The following LTBP1 variants were observed in gnomAD, a reference collection of about 807,000 sequenced individuals.
LTBP1 encodes latent-transforming growth factor beta-binding protein 1.
A neutral mutation model predicts 207.6 loss-of-function variants in LTBP1; 129 were observed. That is an observed-to-expected ratio of 0.62 (90% CI 0.54 to 0.72). The LOEUF is 0.72. LTBP1 is among the 30% of genes least tolerant of loss of function. The pLI, the probability that LTBP1 is intolerant of heterozygous loss-of-function variation, is 0.00. For synonymous variants in LTBP1, 963 were observed against 833.7 expected (o/e 1.16, Z -2.67); for missense variants, 2,281 against 2,217.2 (o/e 1.03, Z -0.58).
In LTBP1 at chr2:33,085,934, A is replaced by G. The variant is rs552728934; in HGVS notation, c.864-24648A>G. Among the ~76,000 whole-genome samples the G allele has an allele frequency of 1.9e-4, 29 of 152,346 alleles. No homozygotes were observed. In the South Asian group the frequency reaches 6.0e-3, roughly 32 times the overall value. On this transcript the variant is annotated intron_variant, in intron 3 of 33. Transcript: ENST00000404816. ...GTCTGGCAGGCAGCATGTGGAATCA[A>G]TCCATGGTGCATTGGGAGTCTGGTG...
In LTBP1 at chr2:33,134,754, T is replaced by C; in HGVS notation, c.1034-39T>C. 6.2e-7 allele frequency: 1 copy of C among 1,614,062 alleles called. No individual in the cohort carries two copies. The highest frequency in any genetic ancestry group is 8.5e-7 in the Non-Finnish European group (1 of 1,179,982). ...GGCAAGTTCATGGATACTAAGCTGA[T>C]GTGTTTGTTGTTCTTTTTCTCCCTG... On this transcript the variant is annotated intron_variant, in intron 4 of 33. Transcript: ENST00000404816. This position sits in a 1 kb window ranked among gnomAD's most constrained non-coding sequence, Gnocchi z 4.4.
chr2:32,991,035 T>C (rs1036124396), intron 2 of LTBP1, among the ~76,000 whole-genome samples: 3 of 152,204 alleles, frequency 2.0e-5, no homozygotes, highest in Non-Finnish European at 2.9e-5. Flanking sequence ...TAGAGAGAGC[T>C]GTAGCAAAGT....
intron 3 of LTBP1, among the ~76,000 whole-genome samples, chr2:33,044,264 A>AG (rs1346937389): frequency 6.6e-6 from 1 of 151,706 alleles, no homozygotes; most frequent in African/African-American, 2.4e-5. Flanking sequence ...TCCCTCCCCT[A>AG]GCCCCCTACC....
chr2:33,366,488 T>A (rs987476672), intron 31 of LTBP1, among the ~76,000 whole-genome samples: 5 of 152,182 alleles, frequency 3.3e-5, no homozygotes, highest in Non-Finnish European at 7.3e-5. Flanking sequence ...GAGAAAATAA[T>A]TGGGAATTCC....
chr2:32,995,982 G>A (rs1685206278), intron 2 of LTBP1, among the ~76,000 whole-genome samples: 1 of 152,046 alleles, frequency 6.6e-6, no homozygotes. Context: ...TACACCTGTG[G>A]GATTAACTAC....
At chr2:32,947,935 G>A (rs1298385082) in intron 1 of LTBP1, 117 bp downstream of exon 1, 2 of 921,774 alleles carry the variant, frequency 2.2e-6, no homozygotes, top group Non-Finnish European at 2.9e-6. Flanking sequence ...GCGCGCGGTG[G>A]GTCGGCTTTC....
intron 5 of LTBP1, among the ~76,000 whole-genome samples, chr2:33,137,771 A>G (rs1465604138): frequency 1.3e-5 from 2 of 152,170 alleles, no homozygotes; most frequent in Non-Finnish European, 2.9e-5. Context: ...TCAATACGGA[A>G]ACTTAGGTTC....
Position 32,955,991 on chromosome 2 carries a change from T to A in LTBP1, c.565+7046T>A, listed in dbSNP as rs193211121. Among the ~76,000 whole-genome samples the A allele has an allele frequency of 1.5e-3, 228 of 152,322 alleles. 3 individuals carry two copies. Among genetic ancestry groups the A allele is most frequent in the East Asian group, 7.3e-3 (38 of 5,188 alleles). On this transcript the variant is annotated intron_variant, in intron 2 of 33. Coordinates refer to ENST00000404816, the MANE Select transcript of LTBP1 (RefSeq NM_206943.4). ...TTTCCCAGTACATGTAAAACTCATG[T>A]TTATATACTATATTGTAGACTATTA...
At chr2:32,982,102 A>G (rs1466609474) in intron 2 of LTBP1, among the ~76,000 whole-genome samples, 1 of 152,210 alleles carries the variant, frequency 6.6e-6, no homozygotes, top group Non-Finnish European at 1.5e-5. Context: ...GGAACTTCCT[A>G]GAGACTTGTT....
intron 18 of LTBP1, among the ~76,000 whole-genome samples, chr2:33,277,829 CTTT>C (rs199950784): frequency 1.2e-5 from 1 of 85,176 alleles, no homozygotes; most frequent in Admixed American, 1.4e-4. Context: ...TTCTTTCTTT[CTTT>C]TTTTTTTTTT....
At chr2:33,203,286 A>T (rs2089520946) in intron 7 of LTBP1, among the ~76,000 whole-genome samples, 3 of 152,092 alleles carry the variant, frequency 2.0e-5, no homozygotes, top group Non-Finnish European at 2.9e-5. Context: ...CAGCAGAGAC[A>T]GGGGTAAGAT....
At chr2:33,099,339 C>T (rs2150118838) in intron 3 of LTBP1, among the ~76,000 whole-genome samples, 1 of 152,264 alleles carries the variant, frequency 6.6e-6, no homozygotes, top group South Asian at 2.1e-4. Context: ...AAAGAATTTT[C>T]CCTTTTTATT....
chr2:33,377,520 A>T (rs1008456122), intron 31 of LTBP1, among the ~76,000 whole-genome samples: 2 of 152,178 alleles, frequency 1.3e-5, no homozygotes, highest in African/African-American at 4.8e-5. Context: ...GTGCTAGGGA[A>T]AGTATTTGGC....
intron 4 of LTBP1, among the ~76,000 whole-genome samples, chr2:33,114,731 C>A (rs2080632410): frequency 6.6e-6 from 1 of 152,116 alleles, no homozygotes; most frequent in Non-Finnish European, 1.5e-5. Context: ...GGATGTTACT[C>A]CTGGTTGCTT....
intron 20 of LTBP1, among the ~76,000 whole-genome samples, chr2:33,296,175 T>C (rs2093871806): frequency 6.6e-6 from 1 of 152,224 alleles, no homozygotes; most frequent in African/African-American, 2.4e-5. Flanking sequence ...TTGATTGCTA[T>C]ATCTAGTTTA....
chr2:33,291,290 A>G (rs902136267), intron 19 of LTBP1, among the ~76,000 whole-genome samples: 4 of 152,246 alleles, frequency 2.6e-5, no homozygotes, highest in African/African-American at 7.2e-5. Context: ...TAGAGAAAGT[A>G]TGGTCTTAGA....
At chr2:33,304,129 A>G (rs992266345) in intron 22 of LTBP1, among the ~76,000 whole-genome samples, 14 of 152,242 alleles carry the variant, frequency 9.2e-5, no homozygotes, top group African/African-American at 2.2e-4. Flanking sequence ...ATTAATGTAT[A>G]TAAGATATGA....
intron 7 of LTBP1, among the ~76,000 whole-genome samples, chr2:33,196,552 T>C (rs1301680583): frequency 6.6e-6 from 1 of 151,998 alleles, no homozygotes; most frequent in Non-Finnish European, 1.5e-5. Context: ...GAGATGACTA[T>C]AGGGGATTTT....
At chr2:33,192,989 C>T (rs954269601) in intron 7 of LTBP1, among the ~76,000 whole-genome samples, 4 of 152,130 alleles carry the variant, frequency 2.6e-5, no homozygotes, top group African/African-American at 9.7e-5. Context: ...ATACTCCTAA[C>T]ACTGTCGCTT....
Sources: allele counts gnomAD v4.1 joint callset (sites outside exome capture counted in the v4.1 genomes callset), GRCh38; gene constraint gnomAD v4.1.1; non-coding constraint Gnocchi (gnomAD v3.1); transcripts MANE v1.5; gene names NCBI Gene and HGNC (gene_info 2026-07-23, HGNC 2026-07-21).